Variants in PSPH observed in about 807,000 individuals in gnomAD.
PSPH encodes L-3-phosphoserine phosphatase.
A neutral mutation model predicts 23.4 loss-of-function variants in PSPH; 16 were observed. The ratio of observed to expected loss-of-function variants is 0.68; its 90% CI spans 0.46 to 1.04. The LOEUF is 1.04. Among genes scored for constraint, PSPH ranks in the 50% least tolerant of loss-of-function variants. The pLI is 0.00. For synonymous variants in PSPH, 68 were observed against 99.7 expected, an observed-to-expected ratio of 0.68 and a Z score of 1.89; for missense variants, 223 against 273.7, an observed-to-expected ratio of 0.81 and a Z score of 1.31.
At chr7:56,021,866 C>A (rs1025639785) in intron 3 of PSPH, among the ~76,000 whole-genome samples, 39 of 145,318 alleles carry the variant, frequency 2.7e-4, no homozygotes, top group African/African-American at 9.9e-4. Flanking sequence ...AGGAGAATGG[C>A]GTGAACCTGG....
intron 7 of PSPH, among the ~76,000 whole-genome samples, chr7:56,013,964 C>T (rs1447294677): frequency 2.6e-5 from 4 of 151,828 alleles, no homozygotes; most frequent in Admixed American, 6.6e-5. Flanking sequence ...TCTGCCTCTA[C>T]CAAAAACACA....
intron 1 of PSPH, among the ~76,000 whole-genome samples, chr7:56,042,092 G>A (rs1286550553): frequency 5.3e-5 from 8 of 151,666 alleles, no homozygotes; most frequent in South Asian, 2.1e-4. Flanking sequence ...GTGTGGTGTC[G>A]TGCACCTGTA....
chr7:56,021,071 A>G lies in PSPH; in HGVS notation c.140+2T>C. ...CATAAAGTGAATAAATGCTATCCCT[A>G]CATTTCTGACACCGCGTCCTCAACG... is the stretch of plus-strand genomic sequence containing the variant. On this transcript the variant is annotated splice_donor_variant, in intron 4 of 7. Transcript: ENST00000275605. LOFTEE classifies it high-confidence loss of function. The G allele has an allele frequency of 6.2e-7, 1 of 1,613,534 alleles. No individual in the cohort carries two copies. The highest frequency in any genetic ancestry group is 1.1e-5 in the South Asian group (1 of 91,064).
intron 2 of PSPH, among the ~76,000 whole-genome samples, chr7:56,032,373 A>G (rs1263392596): frequency 2.0e-5 from 3 of 152,166 alleles, no homozygotes; most frequent in African/African-American, 7.2e-5. Flanking sequence ...ACAAGGAAGC[A>G]GACTTGGGCG....
rs377489734 is a variant in PSPH at position 56,017,353 on chromosome 7, C to T, written c.302G>A (p.Arg101Gln). 2.3e-5 allele frequency: 36 copies of T among 1,595,764 alleles called. No homozygotes were observed. The highest frequency in any genetic ancestry group is 3.0e-5 in the Non-Finnish European group (35 of 1,169,006). Residue 101 changes from arginine to glutamine, a missense_variant, in exon 6 of 8, where the codon CGA becomes CAA. Transcript: ENST00000275605. Reference sequence around the variant, plus strand: ...AGATATTAGGAAAACCTGAACATTTCGCTCCTGTAGGCGACTTACCAGCTC... The same window carrying T: ...AGATATTAGGAAAACCTGAACATTTTGCTCCTGTAGGCGACTTACCAGCTC... ...IRELVSRLQE[R>Q]NVQVFLISGG...
At position 56,017,370 on chromosome 7, in the gene PSPH, T is replaced by A. The variant is rs1788694961; in HGVS notation, c.285A>T (p.Val95=). The A allele has an allele frequency of 6.5e-7, 1 of 1,527,778 alleles. No individual in the cohort carries two copies. The highest frequency in any genetic ancestry group is 2.6e-5 in the East Asian group (1 of 38,512). 94.6% of individuals were successfully genotyped at this position (1,527,778 alleles called of 1,614,324 possible). ...PHLTPGIREL[V]SRLQERNVQV... ...GAACATTTCGCTCCTGTAGGCGACTTACCAGCTCCCTGCAAAATAAAATAC... is the reference window on the plus strand; with the variant it reads ...GAACATTTCGCTCCTGTAGGCGACTAACCAGCTCCCTGCAAAATAAAATAC... The change falls in exon 6 of 8, where the codon GTA becomes GTT. Residue 95 remains valine, a synonymous_variant. Coordinates refer to ENST00000275605, the MANE Select transcript of PSPH (RefSeq NM_004577.4).
intron 3 of PSPH, among the ~76,000 whole-genome samples, chr7:56,023,932 GT>G (rs905496113): frequency 6.7e-6 from 1 of 148,342 alleles, no homozygotes; most frequent in Non-Finnish European, 1.5e-5. Flanking sequence ...TTTTTTTTTT[GT>G]TTTTTTTGTT....
At chr7:56,044,297 A>G (rs1160187687) in intron 1 of PSPH, among the ~76,000 whole-genome samples, 1 of 152,142 alleles carries the variant, frequency 6.6e-6, no homozygotes, top group Non-Finnish European at 1.5e-5. Flanking sequence ...TTACTCACCA[A>G]TGGATAGCAA....
chr7:56,025,942 C>A (rs1301178349), intron 3 of PSPH, among the ~76,000 whole-genome samples: 1 of 152,038 alleles, frequency 6.6e-6, no homozygotes, highest in African/African-American at 2.4e-5. Flanking sequence ...AATGCTGCTC[C>A]TCTGCCTGGA....
At chr7:56,041,953 T>C (rs1028487161) in intron 1 of PSPH, among the ~76,000 whole-genome samples, 2 of 148,398 alleles carry the variant, frequency 1.3e-5, no homozygotes, top group Non-Finnish European at 3.0e-5. Flanking sequence ...CCGGGCGCAG[T>C]GGCTCATGCC....
In PSPH at chr7:56,019,605, G is replaced by GC. The variant is rs765629118; in HGVS notation, c.269dup (p.Ile91HisfsTer23). 6.2e-7 allele frequency: 1 copy of GC among 1,613,584 alleles called. No homozygotes were observed. Among genetic ancestry groups the GC allele is most frequent in the Non-Finnish European group, 8.5e-7 (1 of 1,179,798 alleles). On this transcript the variant is annotated frameshift_variant, in exon 5 of 8. Transcript: ENST00000275605. LOFTEE classifies it high-confidence loss of function. ...GGAGCCGGGGTTCCTCTTACCTTAT[G>GC]CCGGGGGTCAGGTGTGGGGGTTGCT... is the stretch of plus-strand genomic sequence containing the variant.
chr7:56,037,853 C>T (rs893902810), intron 1 of PSPH, among the ~76,000 whole-genome samples: 1 of 151,298 alleles, frequency 6.6e-6, no homozygotes, highest in African/African-American at 2.4e-5. Context: ...GGTGGGATTA[C>T]AAGCATGCAC....
At chr7:56,019,361 C>T (rs910407375) in intron 5 of PSPH, among the ~76,000 whole-genome samples, 1 of 151,970 alleles carries the variant, frequency 6.6e-6, no homozygotes. Flanking sequence ...ATTGCATGAA[C>T]TTGGGAGGCA....
intron 3 of PSPH, among the ~76,000 whole-genome samples, 191 bp from the exon 4 acceptor site, chr7:56,021,422 TTTC>T (rs1312638801): frequency 3.4e-5 from 2 of 58,360 alleles, no homozygotes; most frequent in Non-Finnish European, 6.5e-5. Context: ...TCTTTCTTTC[TTTC>T]TTTTTTTTTT....
At chr7:56,025,879 G>A (rs1790119285) in intron 3 of PSPH, among the ~76,000 whole-genome samples, 2 of 152,172 alleles carry the variant, frequency 1.3e-5, no homozygotes, top group South Asian at 4.1e-4. Flanking sequence ...ATAGGCATGA[G>A]CCACCGCACC....
chr7:56,027,931 T>A (rs952584193), intron 3 of PSPH, among the ~76,000 whole-genome samples: 1 of 142,378 alleles, frequency 7.0e-6, no homozygotes, highest in Non-Finnish European at 1.5e-5. Flanking sequence ...TGGTGGTGCA[T>A]GCCTGTGGTC....
chr7:56,042,615 C>T (rs566135732), intron 1 of PSPH, among the ~76,000 whole-genome samples: 1 of 149,772 alleles, frequency 6.7e-6, no homozygotes, highest in African/African-American at 2.5e-5. Context: ...CGTGCCACTG[C>T]ACTCCAGCTT....
At chr7:56,025,268 T>TAC (rs142794587) in intron 3 of PSPH, among the ~76,000 whole-genome samples, 34 of 151,518 alleles carry the variant, frequency 2.2e-4, no homozygotes, top group African/African-American at 7.5e-4. Flanking sequence ...TGCACACACA[T>TAC]ACACACACAC....
Position 56,038,347 on chromosome 7 carries a change from T to A in PSPH, c.-291-4241A>T, listed in dbSNP as rs531083108. Among the ~76,000 whole-genome samples the A allele has an allele frequency of 2.0e-5, 3 of 149,648 alleles. No individual in the cohort carries two copies. In the South Asian group the frequency reaches 6.3e-4, roughly 32 times the overall value. Reference sequence around the variant, plus strand: ...AGTGGTGGGCGCCTGCAGTCCCAGCTACTTGGGAGGCTGAGGGAGGAGAAT... The same window carrying A: ...AGTGGTGGGCGCCTGCAGTCCCAGCAACTTGGGAGGCTGAGGGAGGAGAAT... On this transcript the variant is annotated intron_variant, in intron 1 of 7. Coordinates refer to ENST00000275605, the MANE Select transcript of PSPH (RefSeq NM_004577.4).
Sources: gnomAD v4.1 joint callset for allele counts (sites outside exome capture counted in the v4.1 genomes callset) on GRCh38, gnomAD v4.1.1 for gene constraint, MANE v1.5 for transcripts, NCBI Gene and HGNC (gene_info 2026-07-23, HGNC 2026-07-21) for gene names.